Variants in SLC16A14 observed in about 807,000 individuals in gnomAD.
SLC16A14 encodes the protein solute carrier family 16 member 14, also known as monocarboxylate transporter 14.
In SLC16A14, 14 loss-of-function variants were observed where a neutral mutation model predicts 35.8. The ratio of observed to expected loss-of-function variants is 0.39; its 90% CI spans 0.26 to 0.61. The LOEUF is 0.61. Among genes scored for constraint, SLC16A14 ranks in the 20% least tolerant of loss-of-function variants. The probability of loss-of-function intolerance (pLI) is 0.51; values close to 1 mark genes in which losing one functional copy is unlikely to be tolerated. For missense variants in SLC16A14, 533 were observed against 655.0 expected (o/e 0.81, Z 2.03); for synonymous variants, 248 against 258.9 (o/e 0.96, Z 0.40).
intron 2 of SLC16A14, among the ~76,000 whole-genome samples, chr2:230,053,910 T>C (rs566469411): frequency 2.6e-5 from 4 of 152,308 alleles, no homozygotes; most frequent in Admixed American, 2.0e-4. Flanking sequence ...TTGGCAGTTC[T>C]CAGGGATGGT....
At chr2:230,047,371 G>T (rs2077618201) in intron 3 of SLC16A14, among the ~76,000 whole-genome samples, 1 of 148,226 alleles carries the variant, frequency 6.7e-6, no homozygotes. Flanking sequence ...GAATGCAATG[G>T]TGCGATCACA....
intron 1 of SLC16A14, chr2:230,067,035 C>G (rs1043619635): frequency 5.7e-6 from 1 of 176,178 alleles, no homozygotes; most frequent in Non-Finnish European, 1.2e-5. Flanking sequence ...ACAGTCTTCC[C>G]CAAAGCTACG....
At chr2:230,067,645 C>G (rs2077812792) in intron 1 of SLC16A14, among the ~76,000 whole-genome samples, 2 of 152,042 alleles carry the variant, frequency 1.3e-5, no homozygotes, top group Admixed American at 1.3e-4. Context: ...GAGAATCTCT[C>G]TAAGCCCCAA....
At chr2:230,063,891 A>G (rs1261952735) in intron 1 of SLC16A14, among the ~76,000 whole-genome samples, 3 of 152,090 alleles carry the variant, frequency 2.0e-5, no homozygotes, top group African/African-American at 4.8e-5. Context: ...ACTTGAGCTC[A>G]GGAGTTTAAG....
At position 230,046,573 on chromosome 2, in the gene SLC16A14, C is replaced by A; in HGVS notation, c.553G>T (p.Glu185Ter). The A allele has an allele frequency of 6.2e-7, 1 of 1,614,218 alleles. No individual in the cohort carries two copies. The highest frequency in any genetic ancestry group is 8.5e-7 in the Non-Finnish European group (1 of 1,180,048). The change falls in exon 4 of 5, where the codon GAG (glutamate) becomes TAG (stop). Residue 185 changes from glutamate to a stop codon, truncating the protein, a stop_gained. Transcript: ENST00000295190. LOFTEE classifies it high-confidence loss of function. The surrounding 1 kb of genome is among the most constrained non-coding windows in gnomAD (Gnocchi z 5.0). ...AACATGGCATTCCTCCAGCCGTACT[C>A]TGCGCACAGGTACTTCAGCAGCACA... ...MTVLLKYLCA[E>*]YGWRNAMLIQ... is the part of the protein sequence containing the mutation.
At chr2:230,043,950 A>G (rs1043937724) in intron 4 of SLC16A14, among the ~76,000 whole-genome samples, 20 of 152,244 alleles carry the variant, frequency 1.3e-4, no homozygotes, top group African/African-American at 4.8e-4. Flanking sequence ...TGAAGGGAAT[A>G]CATGACAGAG....
chr2:230,062,496 G>A (rs1038253766), intron 1 of SLC16A14, among the ~76,000 whole-genome samples: 4 of 151,986 alleles, frequency 2.6e-5, no homozygotes, highest in African/African-American at 4.8e-5. Flanking sequence ...CTACAGGCAT[G>A]TGCCACCACA....
intron 2 of SLC16A14, among the ~76,000 whole-genome samples, chr2:230,052,047 C>T (rs922069639): frequency 1.3e-5 from 2 of 152,016 alleles, no homozygotes; most frequent in Non-Finnish European, 1.5e-5. Flanking sequence ...CGCCATTCTC[C>T]TGCCTCAGCC....
Position 230,046,625 on chromosome 2 carries a change from C to T in SLC16A14, c.501G>A (p.Gly167=), listed in dbSNP as rs779330441. 6.2e-7 allele frequency: 1 copy of T among 1,611,804 alleles called. No individual in the cohort carries two copies. The highest frequency in any genetic ancestry group is 1.3e-5 in the African/African-American group (1 of 74,932). The change falls in exon 4 of 5, where the codon GGG becomes GGA. Residue 167 remains glycine (G), a synonymous_variant. Coordinates refer to ENST00000295190, the MANE Select transcript of SLC16A14 (RefSeq NM_152527.5). This position sits in a 1 kb window ranked among gnomAD's most constrained non-coding sequence, Gnocchi z 5.0. The part of the protein sequence containing the change: ...RALAQGLSTT[G]TGFGTFLMTV... The stretch of plus-strand genomic sequence containing the variant: ...TCATTAGGAACGTACCGAATCCGGT[C>T]CCCGTGGTGCTGAGGCCCTGGGCGA...
intron 2 of SLC16A14, among the ~76,000 whole-genome samples, chr2:230,054,082 GA>G (rs1560478138): frequency 6.2e-5 from 5 of 80,926 alleles, no homozygotes; most frequent in African/African-American, 2.0e-4. Flanking sequence ...GGTGCAGCCT[GA>G]GGTGGGGGGG....
intron 4 of SLC16A14, among the ~76,000 whole-genome samples, chr2:230,039,654 A>T (rs1486804808): frequency 6.6e-6 from 1 of 152,208 alleles, no homozygotes; most frequent in Admixed American, 6.5e-5. Flanking sequence ...AAATCAATAA[A>T]TACAAATGAG....
rs2077538118 is a variant in SLC16A14 at position 230,038,879 on chromosome 2, C to A, written c.1382-1348G>T. On this transcript the variant is annotated intron_variant, in intron 4 of 4. Coordinates refer to ENST00000295190, the MANE Select transcript of SLC16A14 (RefSeq NM_152527.5). The surrounding 1 kb of genome is among the most constrained non-coding windows in gnomAD (Gnocchi z 4.4). Reference sequence around the variant, plus strand: ...CTGAGATCGTGCCACCGCACTCCAGCCTGGGCAACAGAGCAAGACTCCATC... The same window carrying A: ...CTGAGATCGTGCCACCGCACTCCAGACTGGGCAACAGAGCAAGACTCCATC... Among the ~76,000 whole-genome samples, 1 of 152,050 alleles carries A rather than the reference C, an allele frequency of 6.6e-6. No individual in the cohort carries two copies. The highest frequency in any genetic ancestry group is 2.4e-5 in the African/African-American group (1 of 41,384).
At chr2:230,057,055 G>T (rs772444665) in intron 2 of SLC16A14, among the ~76,000 whole-genome samples, 4 of 151,980 alleles carry the variant, frequency 2.6e-5, no homozygotes, top group Non-Finnish European at 5.9e-5. Flanking sequence ...ATTAGAGGCC[G>T]TTTATGTTTC....
chr2:230,039,327 A>G (rs1415871399), intron 4 of SLC16A14, among the ~76,000 whole-genome samples: 1 of 152,214 alleles, frequency 6.6e-6, no homozygotes, highest in African/African-American at 2.4e-5. Context: ...TAGAAAAGAA[A>G]AAAAAAATCT....
chr2:230,040,604 T>C (rs562827594), intron 4 of SLC16A14, among the ~76,000 whole-genome samples: 7 of 152,308 alleles, frequency 4.6e-5, no homozygotes, highest in African/African-American at 1.7e-4. Flanking sequence ...CATCTCCACA[T>C]GCCCAAGCTT....
chr2:230,038,455 G>A lies in SLC16A14; in HGVS notation c.1382-924C>T, dbSNP rs2077534988. Reference sequence around the variant, plus strand: ...CCTATATTTCAGTGATTAATTCTAAGAATGGATCACAAGTCATGGTTCCCA... The same window carrying A: ...CCTATATTTCAGTGATTAATTCTAAAAATGGATCACAAGTCATGGTTCCCA... On this transcript the variant is annotated intron_variant, in intron 4 of 4. Transcript: ENST00000295190. This position sits in a 1 kb window ranked among gnomAD's most constrained non-coding sequence, Gnocchi z 4.4. 6.6e-6 allele frequency among the ~76,000 whole-genome samples: 1 copy of A among 152,158 alleles called. No homozygotes were observed. The highest frequency in any genetic ancestry group is 1.5e-5 in the Non-Finnish European group (1 of 68,038).
At position 230,056,258 on chromosome 2, in the gene SLC16A14, T is replaced by G. The variant is rs1039394914; in HGVS notation, c.259+2836A>C. Among the ~76,000 whole-genome samples the G allele has an allele frequency of 4.7e-3, 703 of 149,286 alleles. 3 individuals are homozygous for G. The highest frequency in any genetic ancestry group is 0.016 in the African/African-American group (651 of 40,478). The stretch of plus-strand genomic sequence containing the variant: ...CATTGTTACTAATATTGGTGTTTTT[T>G]TTTTTTTTTTTTTTGAGACGTAGTC... On this transcript the variant is annotated intron_variant, in intron 2 of 4. Coordinates refer to ENST00000295190, the MANE Select transcript of SLC16A14 (RefSeq NM_152527.5).
Position 230,052,416 on chromosome 2 carries a change from C to A in SLC16A14, c.260-2512G>T, listed in dbSNP as rs2077668955. ...CATTTTTATTTTTGTTTTTCTAAAC[C>A]CATGGTTACTTGACTATGCCTAGCT... On this transcript the variant is annotated intron_variant, in intron 2 of 4. Transcript: ENST00000295190. Among the ~76,000 whole-genome samples, 3 of 151,580 alleles carry A rather than the reference C, an allele frequency of 2.0e-5. No individual in the cohort carries two copies. The South Asian group carries it at 6.2e-4, about 32-fold the overall frequency.
chr2:230,063,531 A>T (rs962360239), intron 1 of SLC16A14, among the ~76,000 whole-genome samples: 1 of 152,196 alleles, frequency 6.6e-6, no homozygotes, highest in African/African-American at 2.4e-5. Flanking sequence ...ACATCAGAAT[A>T]CTTGTTAAAT....
Sources: allele counts gnomAD v4.1 joint callset (sites outside exome capture counted in the v4.1 genomes callset), GRCh38; gene constraint gnomAD v4.1.1; non-coding constraint Gnocchi (gnomAD v3.1); transcripts MANE v1.5; gene names NCBI Gene and HGNC (gene_info 2026-07-23, HGNC 2026-07-21).